The following MFHAS1 variants were observed in gnomAD, a reference collection of about 807,000 sequenced individuals.
MFHAS1 encodes the protein malignant fibrous histiocytoma-amplified sequence 1.
MFHAS1 carries 50 observed loss-of-function variants against 70.4 expected under a neutral mutation model. The observed-to-expected ratio is 0.71, with a 90% CI of 0.57 to 0.90. The LOEUF is 0.90. Ranked by LOEUF, MFHAS1 falls within the 40% of genes least tolerant of loss-of-function variation. The pLI, the probability that MFHAS1 is intolerant of heterozygous loss-of-function variation, is 0.00. For synonymous variants in MFHAS1, 952 were observed against 620.0 expected, an observed-to-expected ratio of 1.54 and a Z score of -7.96; for missense variants, 1,795 against 1,347.6, an observed-to-expected ratio of 1.33 and a Z score of -5.20.
rs1021692136 is a variant in MFHAS1 at position 8,784,192 on chromosome 8, G to A, written c.*1830C>T. 2.6e-5 allele frequency: 4 copies of A among 152,092 alleles called. No homozygotes were observed. The highest frequency in any genetic ancestry group is 2.4e-5 in the African/African-American group (1 of 41,464). 9.4% of individuals were successfully genotyped at this position (152,092 alleles called of 1,614,324 possible). On this transcript the variant is annotated 3_prime_UTR_variant, in exon 3 of 3. Transcript: ENST00000276282. The stretch of plus-strand genomic sequence containing the variant: ...AAAGTTGGTTAATTTAACAGTTGAG[G>A]AACCGTCTCATGCCAATTAAAAAAT...
At chr8:8,877,543 G>C (rs905683222) in intron 1 of MFHAS1, among the ~76,000 whole-genome samples, 1 of 152,190 alleles carries the variant, frequency 6.6e-6, no homozygotes, top group African/African-American at 2.4e-5. Context: ...GGATTACAGA[G>C]GCATGCGGCT....
In MFHAS1 at chr8:8,815,342, T is replaced by C. The variant is rs1234186307; in HGVS notation, c.2999-17851A>G. Among the ~76,000 whole-genome samples the C allele has an allele frequency of 2.0e-5, 3 of 152,334 alleles. No individual in the cohort carries two copies. In the East Asian group the frequency reaches 5.8e-4, roughly 29 times the overall value. On this transcript the variant is annotated intron_variant, in intron 1 of 2. Coordinates refer to ENST00000276282, the MANE Select transcript of MFHAS1 (RefSeq NM_004225.3). ...CGATGAACATACACATGCATGTATC[T>C]TTATAACAGAATGATTTATATTCCT...
chr8:8,814,407 G>A (rs1175814286), intron 1 of MFHAS1, among the ~76,000 whole-genome samples: 23 of 152,222 alleles, frequency 1.5e-4, no homozygotes, highest in Non-Finnish European at 2.8e-4. Flanking sequence ...TGTGTAGTAG[G>A]CTAGACCATC....
chr8:8,785,846 C>G lies in MFHAS1; in HGVS notation c.*176G>C, dbSNP rs548947787. 7.9e-6 allele frequency: 4 copies of G among 504,944 alleles called. 1 individual carries two copies. The highest frequency in any genetic ancestry group is 1.5e-5 in the Non-Finnish European group (4 of 270,770). The allele number at this position is 504,944 out of a possible 1,614,324, so 31.3% of individuals were successfully genotyped here. On this transcript the variant is annotated 3_prime_UTR_variant, in exon 3 of 3. Coordinates refer to ENST00000276282, the MANE Select transcript of MFHAS1 (RefSeq NM_004225.3). ...TCCATGTTCTCGTCCATGCTTCCCC[C>G]CACCACCCCCTCCCCACCTCTTCCC...
intron 1 of MFHAS1, among the ~76,000 whole-genome samples, chr8:8,828,706 T>C (rs1242537594): frequency 6.6e-6 from 1 of 152,182 alleles, no homozygotes; most frequent in African/African-American, 2.4e-5. Context: ...TGACACTCTG[T>C]AATGCGGGCA....
chr8:8,861,293 C>T (rs1041453889), intron 1 of MFHAS1, among the ~76,000 whole-genome samples: 1 of 152,160 alleles, frequency 6.6e-6, no homozygotes, highest in Non-Finnish European at 1.5e-5. Flanking sequence ...AAAAAGCAAA[C>T]AAAATTTCTA....
At chr8:8,848,278 CTAG>C (rs891411268) in intron 1 of MFHAS1, among the ~76,000 whole-genome samples, 30 of 152,236 alleles carry the variant, frequency 2.0e-4, no homozygotes, top group African/African-American at 6.3e-4. Flanking sequence ...TAGCCTCCTC[CTAG>C]TCTTCAAAGA....
intron 1 of MFHAS1, among the ~76,000 whole-genome samples, chr8:8,827,916 A>G (rs1011464483): frequency 1.3e-5 from 2 of 151,704 alleles, no homozygotes; most frequent in African/African-American, 4.8e-5. Context: ...CTTTTTTTTT[A>G]AGAGACTTTC....
chr8:8,879,990 A>C (rs1585069206), intron 1 of MFHAS1, among the ~76,000 whole-genome samples: 1 of 152,216 alleles, frequency 6.6e-6, no homozygotes, highest in South Asian at 2.1e-4. Context: ...AGAAGACAAG[A>C]ATTACACAAC....
At chr8:8,854,038 A>T (rs1362543791) in intron 1 of MFHAS1, among the ~76,000 whole-genome samples, 1 of 152,172 alleles carries the variant, frequency 6.6e-6, no homozygotes, top group Non-Finnish European at 1.5e-5. Context: ...ATTAAATTAC[A>T]CTGATTTAGG....
intron 1 of MFHAS1, among the ~76,000 whole-genome samples, chr8:8,811,407 A>C (rs1473029): frequency 0.66 from 100,654 of 151,898 alleles, 34,180 homozygotes; most frequent in East Asian, 0.84. Context: ...TCCCAAGTAA[A>C]TGGGACCACA....
chr8:8,867,665 C>T (rs1808913864), intron 1 of MFHAS1, among the ~76,000 whole-genome samples: 1 of 151,720 alleles, frequency 6.6e-6, no homozygotes, highest in Admixed American at 6.6e-5. Context: ...TCATGCCATT[C>T]TCCTGCCTCA....
intron 1 of MFHAS1, among the ~76,000 whole-genome samples, chr8:8,873,683 C>T (rs572583631): frequency 1.3e-5 from 2 of 151,986 alleles, no homozygotes; most frequent in South Asian, 2.1e-4. Context: ...GTGTGGAACT[C>T]GAGAGGATGG....
chr8:8,884,825 C>T (rs1346328036), intron 1 of MFHAS1, among the ~76,000 whole-genome samples: 1 of 152,104 alleles, frequency 6.6e-6, no homozygotes, highest in Non-Finnish European at 1.5e-5. Context: ...TAGGGTGTTT[C>T]TGGAGTCCCA....
chr8:8,813,030 G>C (rs985056100), intron 1 of MFHAS1, among the ~76,000 whole-genome samples: 7 of 152,162 alleles, frequency 4.6e-5, no homozygotes, highest in African/African-American at 1.7e-4. Context: ...GCCTCCCAAA[G>C]TGCTGGGATT....
chr8:8,797,325 G>A (rs370244485), intron 2 of MFHAS1, 40 bp downstream of exon 2: 11 of 1,609,476 alleles, frequency 6.8e-6, no homozygotes, highest in South Asian at 1.1e-5. Flanking sequence ...GCTGGGATCA[G>A]GAGCCAGGTC....
chr8:8,823,789 T>G lies in MFHAS1; in HGVS notation c.2999-26298A>C, dbSNP rs545781285. On this transcript the variant is annotated intron_variant, in intron 1 of 2. Coordinates refer to ENST00000276282, the MANE Select transcript of MFHAS1 (RefSeq NM_004225.3). ...CGGTGGCTGTGCTCCATCTCTGATGTAGCACAGAAGATAGTGGGGGCTGAG... is the reference window on the plus strand; with the variant it reads ...CGGTGGCTGTGCTCCATCTCTGATGGAGCACAGAAGATAGTGGGGGCTGAG... 1.0e-4 allele frequency among the ~76,000 whole-genome samples: 15 copies of G among 145,884 alleles called. No homozygotes were observed. In the East Asian group the frequency reaches 3.1e-3, roughly 30 times the overall value.
Position 8,844,931 on chromosome 8 carries a change from T to C in MFHAS1, c.2998+45130A>G, listed in dbSNP as rs139684287. On this transcript the variant is annotated intron_variant, in intron 1 of 2. Coordinates refer to ENST00000276282, the MANE Select transcript of MFHAS1 (RefSeq NM_004225.3). Reference sequence around the variant, plus strand: ...AGAAGAAGGCCCAAAACTATCTGCATGACAAAGCAATCCTTGGATGAAGAT... The same window carrying C: ...AGAAGAAGGCCCAAAACTATCTGCACGACAAAGCAATCCTTGGATGAAGAT... 3.4e-3 allele frequency among the ~76,000 whole-genome samples: 519 copies of C among 152,248 alleles called. 2 individuals are homozygous for C. The highest frequency in any genetic ancestry group is 0.012 in the African/African-American group (490 of 41,542).
chr8:8,874,434 T>C (rs191284697), intron 1 of MFHAS1, among the ~76,000 whole-genome samples: 26 of 152,186 alleles, frequency 1.7e-4, no homozygotes, highest in Middle Eastern at 6.8e-3. Context: ...AAAATATATT[T>C]TGAAGTGATC....
Sources: allele counts gnomAD v4.1 joint callset (sites outside exome capture counted in the v4.1 genomes callset), GRCh38; gene constraint gnomAD v4.1.1; transcripts MANE v1.5; gene names NCBI Gene and HGNC (gene_info 2026-07-23, HGNC 2026-07-21).